CYP11B2: variants seen among roughly 807,000 people sequenced by gnomAD.
CYP11B2 encodes the protein cytochrome P450 11B2, mitochondrial.
Under a neutral mutation model 49.3 loss-of-function variants are expected in CYP11B2, and 38 were observed. The observed-to-expected ratio is 0.77, with a 90% CI of 0.59 to 1.01. CYP11B2 has a LOEUF of 1.01. CYP11B2 is among the 50% of genes least tolerant of loss of function. The pLI is 0.00. For synonymous variants in CYP11B2, 290 were observed against 269.3 expected, an observed-to-expected ratio of 1.08 and a Z score of -0.75; for missense variants, 669 against 655.5, an observed-to-expected ratio of 1.02 and a Z score of -0.23.
chr8:142,911,808 C>T lies in CYP11B2; in HGVS notation c.*172G>A. The T allele has an allele frequency of 1.0e-6, 1 of 987,674 alleles. No individual in the cohort carries two copies. The highest frequency in any genetic ancestry group is 1.5e-6 in the Non-Finnish European group (1 of 677,316). 61.2% of individuals were successfully genotyped at this position (987,674 alleles called of 1,614,324 possible). ...GCTGTGCCCTGGCCTTGCTATTTGA[C>T]AAGCCTGGCAAGCCCCAGTCCTGGA... On this transcript the variant is annotated 3_prime_UTR_variant, in exon 9 of 9. Coordinates refer to ENST00000323110, the MANE Select transcript of CYP11B2 (RefSeq NM_000498.3).
At position 142,911,751 on chromosome 8, in the gene CYP11B2, A is replaced by G. The variant is rs367689577; in HGVS notation, c.*229T>C. 339 of 608,160 alleles carry G rather than the reference A, an allele frequency of 5.6e-4. 1 individual carries two copies. The African/African-American group carries it at 5.6e-3, about 10-fold the overall frequency. 37.7% of individuals were successfully genotyped at this position (608,160 alleles called of 1,614,324 possible). A position where few individuals can be genotyped will look rare whatever the true frequency, so the allele number is the denominator to read the frequency against. ...GAAGGGGCCAGGTGGAGCTGGGGAC[A>G]AGGCCAGGCCCTGCCAGCAAGATCG... On this transcript the variant is annotated 3_prime_UTR_variant, in exon 9 of 9. Transcript: ENST00000323110.
At chr8:142,913,774 C>G (rs1207116258) in intron 5 of CYP11B2, among the ~76,000 whole-genome samples, 1 of 152,200 alleles carries the variant, frequency 6.6e-6, no homozygotes, top group African/African-American at 2.4e-5. Context: ...CCTCTGCTTC[C>G]ATTGAGTTCT....
rs1817536908 is a variant in CYP11B2 at position 142,911,640 on chromosome 8, C to A, written c.*340G>T. On this transcript the variant is annotated 3_prime_UTR_variant, in exon 9 of 9. Coordinates refer to ENST00000323110, the MANE Select transcript of CYP11B2 (RefSeq NM_000498.3). ...TAGGCAGGAAGGCAAGGGACAAAAT[C>A]ACAGCACCCTTGCATGGCCTCATGA... 2 of 360,256 alleles carry A rather than the reference C, an allele frequency of 5.6e-6. No homozygotes were observed. The highest frequency in any genetic ancestry group is 1.1e-5 in the Non-Finnish European group (2 of 189,788). 22.3% of individuals were successfully genotyped at this position (360,256 alleles called of 1,614,324 possible).
At chr8:142,916,198 T>C (rs1817642281) in intron 2 of CYP11B2, among the ~76,000 whole-genome samples, 1 of 152,292 alleles carries the variant, frequency 6.6e-6, no homozygotes, top group African/African-American at 2.4e-5. Flanking sequence ...CCTTCCATTA[T>C]GCGCACCCAG....
rs1029147528 is a variant in CYP11B2 at position 142,910,604 on chromosome 8, A to G, written c.*1376T>C. ...AGGATCCCATGATCTAGTGCTGACT[A>G]GAGGAGTTGGATGGGTATCTGTGAG... On this transcript the variant is annotated 3_prime_UTR_variant, in exon 9 of 9. Coordinates refer to ENST00000323110, the MANE Select transcript of CYP11B2 (RefSeq NM_000498.3). This position sits in a 1 kb window ranked among gnomAD's most constrained non-coding sequence, Gnocchi z 4.6. The G allele has an allele frequency of 1.3e-5, 2 of 152,174 alleles. No individual in the cohort carries two copies. The highest frequency in any genetic ancestry group is 2.9e-5 in the Non-Finnish European group (2 of 68,032). The allele number at this position is 152,174 out of a possible 1,614,324, so 9.4% of individuals were successfully genotyped here. A position where few individuals can be genotyped will look rare whatever the true frequency, so the allele number is the denominator to read the frequency against.
chr8:142,916,585 A>G, intron 2 of CYP11B2: 1 of 396,656 alleles, frequency 2.5e-6, no homozygotes, highest in Non-Finnish European at 5.1e-6. Flanking sequence ...CCTGCCCCGG[A>G]CTGTCCCCAT....
Position 142,914,688 on chromosome 8 carries a change from C to G in CYP11B2, c.799+17G>C, listed in dbSNP as rs5309. On this transcript the variant is annotated intron_variant, in intron 4 of 8. Coordinates refer to ENST00000323110, the MANE Select transcript of CYP11B2 (RefSeq NM_000498.3). ...GGTGTCCCTTCCCCATAGCACTGCC[C>G]GGGTCCCTGGCCTCACCGTACTGGA... 7 of 1,579,046 alleles carry G rather than the reference C, an allele frequency of 4.4e-6. No individual in the cohort carries two copies. The South Asian group carries it at 5.8e-5, about 13-fold the overall frequency.
intron 5 of CYP11B2, 67 bp from the exon 6 acceptor site, chr8:142,913,518 C>T (rs1228379630): frequency 1.9e-6 from 3 of 1,596,832 alleles, no homozygotes; most frequent in Non-Finnish European, 2.6e-6. Flanking sequence ...ACACCCCTCC[C>T]AGGACAACCT....
chr8:142,911,788 G>A lies in CYP11B2; in HGVS notation c.*192C>T. 1 of 795,172 alleles carries A rather than the reference G, an allele frequency of 1.3e-6. No individual in the cohort carries two copies. The highest frequency in any genetic ancestry group is 2.0e-6 in the Non-Finnish European group (1 of 508,738). 49.3% of individuals were successfully genotyped at this position (795,172 alleles called of 1,614,324 possible). ...TGCCAGCAAGATCGTCTCCAGCTGT[G>A]CCCTGGCCTTGCTATTTGACAAGCC... On this transcript the variant is annotated 3_prime_UTR_variant, in exon 9 of 9. Transcript: ENST00000323110.
Position 142,913,357 on chromosome 8 carries a change from C to T in CYP11B2, c.1049G>A (p.Ser350Asn). The change falls in exon 6 of 9, where the codon AGC becomes AAC. Residue 350 changes from serine (S) to asparagine (N), a missense_variant. Transcript: ENST00000323110. Reference sequence around the variant, plus strand: ...TGCCTTCTGGGGATGTTCACTGATGCTGGCTGCGGCGGCCAGGCTCTCCTG... The same window carrying T: ...TGCCTTCTGGGGATGTTCACTGATGTTGGCTGCGGCGGCCAGGCTCTCCTG... ...LRQESLAAAA[S>N]ISEHPQKATT... 1 of 1,614,054 alleles carries T rather than the reference C, an allele frequency of 6.2e-7. No homozygotes were observed. Among genetic ancestry groups the T allele is most frequent in the Non-Finnish European group, 8.5e-7 (1 of 1,180,020 alleles).
Position 142,915,100 on chromosome 8 carries a change from G to A in CYP11B2, c.541C>T (p.Arg181Trp), listed in dbSNP as rs28931609. 48 of 1,613,704 alleles carry A rather than the reference G, an allele frequency of 3.0e-5. No individual in the cohort carries two copies. The Middle Eastern group carries it at 8.2e-4, about 28-fold the overall frequency. ...ALKKKVLQNA[R>W]GSLTLDVQPS... ...TGGACGTCCAGGGTCAGGCTCCCCC[G>A]GGCGTTCTGCAGCACCTTCTTCTTC... Residue 181 changes from arginine to tryptophan, a missense_variant, in exon 3 of 9, where the codon CGG (arginine) becomes TGG (tryptophan). Coordinates refer to ENST00000323110, the MANE Select transcript of CYP11B2 (RefSeq NM_000498.3).
chr8:142,912,031 G>C lies in CYP11B2; in HGVS notation c.1461C>G (p.Phe487Leu), dbSNP rs1184556898. ...GGGGGGACGTGCCAGGCCTCAATAT[G>C]AAGCTGTAGACCATCTTTATGTCCT... ...TQEDIKMVYS[F>L]ILRPGTSPLL... Residue 487 changes from phenylalanine to leucine, a missense_variant, in exon 9 of 9, where the codon TTC becomes TTG. Phe to Leu is a conservative substitution (Grantham distance 22). Coordinates refer to ENST00000323110, the MANE Select transcript of CYP11B2 (RefSeq NM_000498.3). The C allele has an allele frequency of 6.2e-7, 1 of 1,614,076 alleles. No homozygotes were observed. The highest frequency in any genetic ancestry group is 1.1e-5 in the South Asian group (1 of 91,084).
rs985842380 is a variant in CYP11B2, at chr8:142,915,310, C to T, written c.396-65G>A. 1.4e-5 allele frequency: 20 copies of T among 1,402,882 alleles called. No individual in the cohort carries two copies. The African/African-American group carries it at 2.4e-4, about 17-fold the overall frequency. 86.9% of individuals were successfully genotyped at this position (1,402,882 alleles called of 1,614,324 possible). A position where few individuals can be genotyped will look rare whatever the true frequency, so the allele number is the denominator to read the frequency against. ...AAGACACAGGCCCTGACCCGTATCC[C>T]ATCCTCCTTGTCCCCAAGGGGAATC... On this transcript the variant is annotated intron_variant, in intron 2 of 8. Coordinates refer to ENST00000323110, the MANE Select transcript of CYP11B2 (RefSeq NM_000498.3).
In CYP11B2 at chr8:142,911,779, TC is replaced by T. The variant is rs1163826317; in HGVS notation, c.*200del. The T allele has an allele frequency of 1.3e-6, 1 of 742,664 alleles. No homozygotes were observed. The highest frequency in any genetic ancestry group is 1.8e-5 in the African/African-American group (1 of 56,534). 46.0% of individuals were successfully genotyped at this position (742,664 alleles called of 1,614,324 possible). On this transcript the variant is annotated 3_prime_UTR_variant, in exon 9 of 9. Coordinates refer to ENST00000323110, the MANE Select transcript of CYP11B2 (RefSeq NM_000498.3). ...GCCAGGCCCTGCCAGCAAGATCGTCTCCAGCTGTGCCCTGGCCTTGCTATTT... is the reference window on the plus strand; with the variant it reads ...GCCAGGCCCTGCCAGCAAGATCGTCTCAGCTGTGCCCTGGCCTTGCTATTT...
In CYP11B2 at chr8:142,914,267, G is replaced by T. The variant is rs150423276; in HGVS notation, c.951C>A (p.Asp317Glu). Residue 317 changes from aspartate to glutamate, a missense_variant, in exon 5 of 9, where the codon GAC becomes GAA. By Grantham distance (45) the Asp-to-Glu change is conservative. Coordinates refer to ENST00000323110, the MANE Select transcript of CYP11B2 (RefSeq NM_000498.3). ...NSMELTAGSVDTTAFPLLMTL... is the reference protein window; with the variant it reads ...NSMELTAGSVETTAFPLLMTL... Reference sequence around the variant, plus strand: ...TGGGGCTGGTTGCTGGCCTGACCGTGTCCACGCTCCCTGCAGTGAGTTCCA... The same window carrying T: ...TGGGGCTGGTTGCTGGCCTGACCGTTTCCACGCTCCCTGCAGTGAGTTCCA... 1.9e-6 allele frequency: 3 copies of T among 1,614,020 alleles called. No individual in the cohort carries two copies. The African/African-American group carries it at 4.0e-5, about 22-fold the overall frequency.
At chr8:142,913,143 G>A (rs1817571712) in intron 6 of CYP11B2, 142 bp downstream of exon 6, 2 of 993,186 alleles carry the variant, frequency 2.0e-6, no homozygotes, top group Non-Finnish European at 3.0e-6. Flanking sequence ...CCCTGTCCTT[G>A]AGGGGGAGGA....
intron 5 of CYP11B2, 143 bp downstream of exon 5, chr8:142,914,121 G>T: frequency 1.1e-6 from 1 of 920,378 alleles, no homozygotes; most frequent in Non-Finnish European, 1.8e-6. Flanking sequence ...CTTAACAAAG[G>T]AGGGGGAAGG....
Position 142,915,204 on chromosome 8 carries a change from G to C in CYP11B2, c.437C>G (p.Pro146Arg), listed in dbSNP as rs2130331124. 6.2e-7 allele frequency: 1 copy of C among 1,614,142 alleles called. No homozygotes were observed. The highest frequency in any genetic ancestry group is 1.1e-5 in the South Asian group (1 of 91,058). Residue 146 changes from proline (P) to arginine (R), a missense_variant, in exon 3 of 9, where the codon CCA (proline) becomes CGA (arginine). Pro to Arg is a moderately radical substitution (Grantham distance 103). Coordinates refer to ENST00000323110, the MANE Select transcript of CYP11B2 (RefSeq NM_000498.3). ...EWRFNRLRLN[P>R]DVLSPKAVQR... ...CACGGCCTTGGGCGACAGCACATCT[G>C]GGTTCAGCCGCAATCGGTTGAAGCG...
At chr8:142,917,243 G>C in intron 1 of CYP11B2, 29 bp from the exon 2 acceptor site, 1 of 1,612,364 alleles carries the variant, frequency 6.2e-7, no homozygotes, top group Non-Finnish European at 8.5e-7. Flanking sequence ...GGCCCTGCTG[G>C]ACGGGGTCAT....
Sources: gnomAD v4.1 joint callset for allele counts (sites outside exome capture counted in the v4.1 genomes callset) on GRCh38, gnomAD v4.1.1 for gene constraint, Gnocchi (gnomAD v3.1) non-coding constraint, MANE v1.5 for transcripts, NCBI Gene and HGNC (gene_info 2026-07-23, HGNC 2026-07-21) for gene names.